NHSL2: variants seen among roughly 807,000 people sequenced by gnomAD.
The protein encoded by NHSL2 is NHS-like protein 2.
A neutral mutation model predicts 53.4 loss-of-function variants in NHSL2; 27 were observed. That is an observed-to-expected ratio of 0.51 (90% CI 0.37 to 0.70). NHSL2 has a LOEUF of 0.70. Among genes scored for constraint, NHSL2 ranks in the 30% least tolerant of loss-of-function variants. NHSL2 has a pLI of 0.00. For synonymous variants in NHSL2, 408 were observed against 404.1 expected (o/e 1.01, Z -0.12); for missense variants, 892 against 980.1 (o/e 0.91, Z 1.20).
chrX:72,131,523 T>C, intron 1 of NHSL2: 1 of 1,189,138 alleles, frequency 8.4e-7, no homozygotes, highest in Non-Finnish European at 1.1e-6. Flanking sequence ...TGTTGAGATT[T>C]CCTGACGCCT....
intron 1 of NHSL2, among the ~76,000 whole-genome samples, chrX:72,118,369 C>T (rs2042156962): frequency 8.9e-6 from 1 of 111,845 alleles, no homozygotes; most frequent in African/African-American, 3.3e-5. Context: ...TTTATATGTT[C>T]GGACACAAGT....
intron 1 of NHSL2, among the ~76,000 whole-genome samples, chrX:72,003,926 A>T (rs2042082505): frequency 1.8e-5 from 2 of 111,956 alleles, no homozygotes; most frequent in African/African-American, 6.5e-5. Context: ...CAACGCTTCT[A>T]ACCACACCAC....
intron 1 of NHSL2, chrX:72,045,042 C>A (rs947399279): frequency 2.1e-6 from 1 of 468,210 alleles, no homozygotes; most frequent in Non-Finnish European, 3.7e-6. Context: ...GAAGCCCCCA[C>A]GTGGAGCTAT....
At chrX:72,115,296 A>T (rs997523191) in intron 1 of NHSL2, among the ~76,000 whole-genome samples, 1 of 109,445 alleles carries the variant, frequency 9.1e-6, no homozygotes, top group African/African-American at 3.3e-5. Flanking sequence ...AATCCTGCAG[A>T]TTACAAAGTC....
intron 1 of NHSL2, among the ~76,000 whole-genome samples, chrX:72,056,469 T>A (rs1184516611): frequency 9.0e-6 from 1 of 111,338 alleles, no homozygotes; most frequent in Non-Finnish European, 1.9e-5. Flanking sequence ...ACCAATATAC[T>A]CTCTCAGCAC....
chrX:71,963,593 A>T (rs76636579), intron 1 of NHSL2, among the ~76,000 whole-genome samples: 5,551 of 110,036 alleles, frequency 0.05, 183 homozygotes, highest in East Asian at 0.27. Flanking sequence ...AAGTAAAAGG[A>T]TGGAAAAAGA....
In NHSL2 at chrX:72,140,696, G is replaced by A. The variant is rs748965956; in HGVS notation, c.3148G>A (p.Asp1050Asn). The change falls in exon 6 of 8, where the codon GAT becomes AAT. Residue 1050 changes from aspartate (D) to asparagine (N), a missense_variant. Coordinates refer to ENST00000633930, the MANE Select transcript of NHSL2 (RefSeq NM_001013627.3). ...AGACACCAAGTGTCCCGCCACCGGC[G>A]ATGACCTGCAATCACTTGGTCAAAG... is the stretch of plus-strand genomic sequence containing the variant. ...EEDTKCPATG[D>N]DLQSLGQRVT... The A allele has an allele frequency of 4.1e-6, 5 of 1,209,482 alleles. No individual in the cohort carries two copies. In the East Asian group the frequency reaches 1.2e-4, roughly 29 times the overall value.
chrX:72,140,215 A>G lies in NHSL2; in HGVS notation c.2667A>G (p.Pro889=), dbSNP rs752026921. 1.2e-5 allele frequency: 15 copies of G among 1,208,014 alleles called. No individual in the cohort carries two copies. In the Admixed American group the frequency reaches 2.4e-4, roughly 19 times the overall value. Residue 889 remains proline (P), a synonymous_variant, in exon 6 of 8, where the codon CCA becomes CCG. Coordinates refer to ENST00000633930, the MANE Select transcript of NHSL2 (RefSeq NM_001013627.3). The part of the protein sequence containing the change: ...RRPPSLVHKP[P]SVPEEYALTS... The stretch of plus-strand genomic sequence containing the variant: ...CTCCAAGCTTGGTCCACAAGCCACC[A>G]TCTGTTCCTGAGGAGTATGCACTAA...
At chrX:72,089,139 T>A (rs1437675374) in intron 1 of NHSL2, among the ~76,000 whole-genome samples, 1 of 111,027 alleles carries the variant, frequency 9.0e-6, no homozygotes, top group Non-Finnish European at 1.9e-5. Context: ...TCTACTTGTG[T>A]CACCTTGAAC....
chrX:72,123,593 G>A (rs1398751760), intron 1 of NHSL2, among the ~76,000 whole-genome samples: 1 of 111,972 alleles, frequency 8.9e-6, no homozygotes, highest in Non-Finnish European at 1.9e-5. Context: ...CAGCCAACAG[G>A]CCTCATCTGT....
intron 1 of NHSL2, among the ~76,000 whole-genome samples, chrX:71,991,818 TTCTCTCTCTCTCTCTCTCTC>T (rs59851052): frequency 2.0e-5 from 2 of 99,858 alleles, no homozygotes; most frequent in Non-Finnish European, 4.0e-5. Flanking sequence ...GTCTTTCTCT[TTCTCTCTCTCTCTCTCTCTC>T]TCTCTCTCTC....
intron 1 of NHSL2, among the ~76,000 whole-genome samples, chrX:72,086,738 T>C (rs1602357265): frequency 1.0e-5 from 1 of 98,097 alleles, no homozygotes. Context: ...CTTATCAAGA[T>C]GTAATTTTCA....
At chrX:72,070,361 G>T (rs1224795239) in intron 1 of NHSL2, among the ~76,000 whole-genome samples, 2 of 110,548 alleles carry the variant, frequency 1.8e-5, no homozygotes, top group African/African-American at 6.6e-5. Flanking sequence ...TGAGTTTGTT[G>T]TTCCCCTACC....
chrX:72,099,178 A>G (rs767488088), intron 1 of NHSL2, among the ~76,000 whole-genome samples: 15 of 111,887 alleles, frequency 1.3e-4, no homozygotes, highest in African/African-American at 4.9e-4. Context: ...AATGTGGGCC[A>G]CAAATGCCAG....
intron 1 of NHSL2, among the ~76,000 whole-genome samples, chrX:71,987,741 T>C (rs1602296650): frequency 8.9e-6 from 1 of 112,050 alleles, no homozygotes; most frequent in East Asian, 2.8e-4. Context: ...CACATATACA[T>C]ACACAGACAG....
intron 1 of NHSL2, among the ~76,000 whole-genome samples, chrX:71,925,867 C>T (rs1054535065): frequency 1.8e-5 from 2 of 111,463 alleles, no homozygotes; most frequent in Non-Finnish European, 3.8e-5. Flanking sequence ...AATGCCCATC[C>T]ATGTTCTCCA....
At chrX:72,062,539 G>A (rs1463949636) in intron 1 of NHSL2, among the ~76,000 whole-genome samples, 2 of 112,030 alleles carry the variant, frequency 1.8e-5, no homozygotes, top group Non-Finnish European at 3.8e-5. Context: ...GAGGTTGAGT[G>A]CCTTGGGAAC....
intron 1 of NHSL2, among the ~76,000 whole-genome samples, chrX:71,927,951 T>C (rs1385465508): frequency 2.7e-5 from 3 of 112,656 alleles, no homozygotes; most frequent in Non-Finnish European, 3.7e-5. Context: ...ATTATAATAA[T>C]AGTACCTACT....
rs2042396083 is a variant in NHSL2 at position 72,139,758 on chromosome X, C to T, written c.2210C>T (p.Pro737Leu). The T allele has an allele frequency of 2.5e-6, 3 of 1,211,099 alleles. No homozygotes were observed. The highest frequency in any genetic ancestry group is 3.5e-5 in the South Asian group (2 of 56,903). The change falls in exon 6 of 8, where the codon CCT becomes CTT. Residue 737 changes from proline (P) to leucine (L), a missense_variant. Transcript: ENST00000633930. ...TCCCTGACCCTGGGCCACTTACCCC[C>T]TCCAAGCAGCAGTGTCCGGGTACGT... Reference protein sequence around the residue: ...SMSLTLGHLPPPSSSVRVRPV... With the variant: ...SMSLTLGHLPLPSSSVRVRPV...
Sources: gnomAD v4.1 joint callset for allele counts (sites outside exome capture counted in the v4.1 genomes callset) on GRCh38, gnomAD v4.1.1 for gene constraint, MANE v1.5 for transcripts, NCBI Gene and HGNC (gene_info 2026-07-23, HGNC 2026-07-21) for gene names.